The following HS6ST3 variants were observed in gnomAD, a reference collection of about 807,000 sequenced individuals.
HS6ST3 encodes heparan sulfate 6-O-sulfotransferase 3, also known as heparan-sulfate 6-O-sulfotransferase 3.
A neutral mutation model predicts 36.7 loss-of-function variants in HS6ST3; 12 were observed. The ratio of observed to expected loss-of-function variants is 0.33; its 90% confidence interval spans 0.21 to 0.53. The LOEUF is 0.53. Among genes scored for constraint, HS6ST3 ranks in the 20% least tolerant of loss-of-function variants. HS6ST3 has a pLI of 0.95. For synonymous variants in HS6ST3, 240 were observed against 257.5 expected (o/e 0.93, Z 0.65); for missense variants, 584 against 640.9 (o/e 0.91, Z 0.96).
chr13:96,274,990 A>G (rs1314604402), intron 1 of HS6ST3, among the ~76,000 whole-genome samples: 1 of 151,758 alleles, frequency 6.6e-6, no homozygotes, highest in Admixed American at 6.6e-5. Flanking sequence ...TTTATTTCCT[A>G]GTGCCTCCTC....
intron 1 of HS6ST3, among the ~76,000 whole-genome samples, chr13:96,277,010 T>C (rs2054751814): frequency 1.3e-5 from 2 of 152,178 alleles, no homozygotes; most frequent in African/African-American, 4.8e-5. Flanking sequence ...ACTATTCAGT[T>C]CTCTGTCCAT....
At chr13:96,560,700 C>T (rs1823638635) in intron 1 of HS6ST3, among the ~76,000 whole-genome samples, 1 of 152,060 alleles carries the variant, frequency 6.6e-6, no homozygotes, top group Admixed American at 6.6e-5. Flanking sequence ...AATCAATGTA[C>T]AAAATAATCA....
chr13:96,663,867 C>T (rs1240241546), intron 1 of HS6ST3, among the ~76,000 whole-genome samples: 2 of 152,036 alleles, frequency 1.3e-5, no homozygotes, highest in Non-Finnish European at 2.9e-5. Context: ...GTGAAAGAAG[C>T]CACACAAAAT....
At chr13:96,178,439 A>G (rs888733357) in intron 1 of HS6ST3, among the ~76,000 whole-genome samples, 3 of 152,170 alleles carry the variant, frequency 2.0e-5, no homozygotes, top group Admixed American at 6.5e-5. Flanking sequence ...TCAAATGCCA[A>G]AAGAAGGAGG....
At chr13:96,762,246 G>A (rs1876988059) in intron 1 of HS6ST3, among the ~76,000 whole-genome samples, 1 of 152,176 alleles carries the variant, frequency 6.6e-6, no homozygotes, top group Non-Finnish European at 1.5e-5. Flanking sequence ...GGGATGCCAA[G>A]GCAGGCAGAT....
intron 1 of HS6ST3, among the ~76,000 whole-genome samples, chr13:96,376,439 T>G (rs2055315316): frequency 6.6e-6 from 1 of 152,166 alleles, no homozygotes; most frequent in Non-Finnish European, 1.5e-5. Context: ...GACCTAAGTT[T>G]GTTTCTTTAG....
At chr13:96,755,798 A>G (rs980919200) in intron 1 of HS6ST3, among the ~76,000 whole-genome samples, 5 of 152,202 alleles carry the variant, frequency 3.3e-5, no homozygotes, top group Admixed American at 1.3e-4. Context: ...GCTGCTCTGA[A>G]CATTGATGTA....
chr13:96,411,609 G>T (rs772745026), intron 1 of HS6ST3, among the ~76,000 whole-genome samples: 1 of 152,182 alleles, frequency 6.6e-6, no homozygotes, highest in Non-Finnish European at 1.5e-5. Flanking sequence ...AGGCTTATAG[G>T]ATAGGGGTGG....
At chr13:96,627,991 T>C (rs1412257257) in intron 1 of HS6ST3, among the ~76,000 whole-genome samples, 1 of 151,894 alleles carries the variant, frequency 6.6e-6, no homozygotes, top group Admixed American at 6.6e-5. Context: ...TTTAGTTTTT[T>C]CTATTGTCTA....
intron 1 of HS6ST3, among the ~76,000 whole-genome samples, chr13:96,281,840 C>T (rs568371788): frequency 4.4e-4 from 67 of 152,264 alleles, no homozygotes; most frequent in Admixed American, 1.7e-3. Flanking sequence ...ATATTTTGCA[C>T]GACTGTCTGT....
chr13:96,260,763 C>T (rs572377030), intron 1 of HS6ST3, among the ~76,000 whole-genome samples: 52 of 152,210 alleles, frequency 3.4e-4, no homozygotes, highest in South Asian at 8.3e-4. Flanking sequence ...CCTCAGCCTC[C>T]CAAGTAGCTG....
chr13:96,598,109 G>T (rs1057304489), intron 1 of HS6ST3, among the ~76,000 whole-genome samples: 1 of 152,026 alleles, frequency 6.6e-6, no homozygotes, highest in Non-Finnish European at 1.5e-5. Flanking sequence ...ATAATGTGAT[G>T]CCTCTAGATT....
intron 1 of HS6ST3, among the ~76,000 whole-genome samples, chr13:96,501,848 C>T (rs2056005801): frequency 6.6e-6 from 1 of 152,170 alleles, no homozygotes; most frequent in South Asian, 2.1e-4. Flanking sequence ...GTAAACTTGT[C>T]CTTTGACATA....
At chr13:96,782,021 G>A (rs1877539237) in intron 1 of HS6ST3, among the ~76,000 whole-genome samples, 1 of 151,980 alleles carries the variant, frequency 6.6e-6, no homozygotes, top group African/African-American at 2.4e-5. Flanking sequence ...TATAAACTCC[G>A]AGATCTGTTA....
At chr13:96,720,774 C>T (rs1280126237) in intron 1 of HS6ST3, among the ~76,000 whole-genome samples, 2 of 152,132 alleles carry the variant, frequency 1.3e-5, no homozygotes, top group Admixed American at 6.5e-5. Context: ...TCTTGATAGG[C>T]CTCTGGCTCC....
chr13:96,470,212 A>G (rs1451278402), intron 1 of HS6ST3, among the ~76,000 whole-genome samples: 1 of 152,178 alleles, frequency 6.6e-6, no homozygotes, highest in Non-Finnish European at 1.5e-5. Context: ...ACACTTTGAA[A>G]TATGAATCTA....
chr13:96,675,791 C>T (rs2056697076), intron 1 of HS6ST3, among the ~76,000 whole-genome samples: 2 of 152,140 alleles, frequency 1.3e-5, no homozygotes, highest in South Asian at 4.1e-4. Flanking sequence ...AAGTACTGAC[C>T]TCTCTAGTTT....
intron 1 of HS6ST3, among the ~76,000 whole-genome samples, chr13:96,772,820 A>T (rs1029765493): frequency 6.6e-6 from 1 of 151,990 alleles, no homozygotes; most frequent in Non-Finnish European, 1.5e-5. Flanking sequence ...AGAAGTTTTG[A>T]TTTTCTTTTT....
At chr13:96,592,247 G>A (rs2056384967) in intron 1 of HS6ST3, among the ~76,000 whole-genome samples, 1 of 151,972 alleles carries the variant, frequency 6.6e-6, no homozygotes, top group Admixed American at 6.6e-5. Context: ...AACGCTGTTT[G>A]CATAAACAAA....
Sources: gnomAD v4.1 joint callset for allele counts (sites outside exome capture counted in the v4.1 genomes callset) on GRCh38, gnomAD v4.1.1 for gene constraint, MANE v1.5 for transcripts, NCBI Gene and HGNC (gene_info 2026-07-23, HGNC 2026-07-21) for gene names.